Variants in BEND6 observed in about 807,000 individuals in gnomAD.
BEND6 encodes the protein BEN domain containing 6, also known as BEN domain-containing protein 6.
A neutral mutation model predicts 31.8 loss-of-function variants in BEND6; 24 were observed. The ratio of observed to expected loss-of-function variants is 0.75; its 90% confidence interval spans 0.55 to 1.06. The LOEUF (loss-of-function observed/expected upper bound fraction) is 1.06, where lower values mean the gene tolerates loss of function less well. Among genes scored for constraint, BEND6 ranks in the 50% least tolerant of loss-of-function variants. The pLI is 0.00. For synonymous variants in BEND6, 109 were observed against 114.6 expected, an observed-to-expected ratio of 0.95 and a Z score of 0.31; for missense variants, 294 against 327.4, an observed-to-expected ratio of 0.90 and a Z score of 0.79.
Position 57,026,728 on chromosome 6 carries a change from C to G in BEND6, c.*656C>G, listed in dbSNP as rs1324263075. The G allele has an allele frequency of 6.6e-6, 1 of 152,140 alleles. No individual in the cohort carries two copies. Among genetic ancestry groups the G allele is most frequent in the African/African-American group, 2.4e-5 (1 of 41,436 alleles). 9.4% of individuals were successfully genotyped at this position (152,140 alleles called of 1,614,324 possible). ...CAAGATGTTTTATTTTAATGTTAAG[C>G]AATTCCACCACACTTCTGAAGAATA... is the stretch of plus-strand genomic sequence containing the variant. On this transcript the variant is annotated 3_prime_UTR_variant, in exon 7 of 7. Transcript: ENST00000370746.
chr6:56,986,973 C>CTTTTTTT (rs869195941), intron 2 of BEND6, among the ~76,000 whole-genome samples: 3 of 123,814 alleles, frequency 2.4e-5, no homozygotes, highest in East Asian at 2.2e-4. Context: ...TGTTTCTTTT[C>CTTTTTTT]TTTTTTTTTT....
At chr6:56,972,834 A>G (rs1195062147) in intron 1 of BEND6, among the ~76,000 whole-genome samples, 1 of 152,242 alleles carries the variant, frequency 6.6e-6, no homozygotes, top group Non-Finnish European at 1.5e-5. Flanking sequence ...GAACAGGCCC[A>G]GCAAGGTTCA....
rs377026147 is a variant in BEND6, at chr6:57,018,448, C to T, written c.740C>T (p.Thr247Met). ...GTAACAAAACAATTATTTCCCAATACGGATGATGTTTCAATTAGGAGAATG... is the reference window on the plus strand; with the variant it reads ...GTAACAAAACAATTATTTCCCAATATGGATGATGTTTCAATTAGGAGAATG... ...IGVTKQLFPN[T>M]DDVSIRRMIG... is the part of the protein sequence containing the mutation. Residue 247 changes from threonine (T) to methionine (M), a missense_variant, in exon 6 of 7, where the codon ACG becomes ATG. Thr to Met is a moderately conservative substitution (Grantham distance 81). Coordinates refer to ENST00000370746, the MANE Select transcript of BEND6 (RefSeq NM_152731.3). 1.3e-5 allele frequency: 20 copies of T among 1,582,394 alleles called. No individual in the cohort carries two copies. The highest frequency in any genetic ancestry group is 1.7e-4 in the Middle Eastern group (1 of 6,010).
At chr6:56,990,249 CTTTTT>C (rs943959318) in intron 2 of BEND6, among the ~76,000 whole-genome samples, 65 of 110,166 alleles carry the variant, frequency 5.9e-4, no homozygotes, top group Admixed American at 1.1e-3. Flanking sequence ...CCACTCGCTT[CTTTTT>C]TTTTTTTTTT....
chr6:57,001,461 C>G (rs1021503953), intron 3 of BEND6, among the ~76,000 whole-genome samples: 2 of 151,822 alleles, frequency 1.3e-5, no homozygotes, highest in African/African-American at 4.8e-5. Flanking sequence ...CTGAACCTGG[C>G]AAGAAAAAAA....
chr6:56,958,373 A>G (rs779407385), intron 1 of BEND6, among the ~76,000 whole-genome samples: 1 of 152,230 alleles, frequency 6.6e-6, no homozygotes, highest in African/African-American at 2.4e-5. Context: ...TGGATCAAGA[A>G]GAAACATCAG....
At chr6:57,013,029 C>T (rs1010362322) in intron 3 of BEND6, among the ~76,000 whole-genome samples, 1 of 152,172 alleles carries the variant, frequency 6.6e-6, no homozygotes, top group East Asian at 1.9e-4. Context: ...CCAAGTCAAG[C>T]CCTCCCATTC....
intron 3 of BEND6, among the ~76,000 whole-genome samples, chr6:56,996,601 T>C (rs1003148520): frequency 6.6e-6 from 1 of 152,232 alleles, no homozygotes; most frequent in Non-Finnish European, 1.5e-5. Flanking sequence ...ACCACATTCC[T>C]CACCTCCTTC....
At chr6:56,991,045 T>G (rs1433525529) in intron 2 of BEND6, among the ~76,000 whole-genome samples, 1 of 152,170 alleles carries the variant, frequency 6.6e-6, no homozygotes, top group Non-Finnish European at 1.5e-5. Context: ...TGCAATCTAA[T>G]GAAAACAATA....
intron 2 of BEND6, among the ~76,000 whole-genome samples, chr6:56,987,259 C>T (rs1236025295): frequency 6.6e-6 from 1 of 152,132 alleles, no homozygotes; most frequent in Non-Finnish European, 1.5e-5. Context: ...GGATTACAGT[C>T]GTGAGCCACT....
intron 4 of BEND6, among the ~76,000 whole-genome samples, chr6:57,015,641 C>CAA (rs5876528): frequency 7.7e-6 from 1 of 130,656 alleles, no homozygotes. Context: ...ACTAAAAATA[C>CAA]AAAAAAAAAA....
At chr6:56,984,186 A>G (rs1401266730) in intron 2 of BEND6, among the ~76,000 whole-genome samples, 1 of 151,964 alleles carries the variant, frequency 6.6e-6, no homozygotes, top group Non-Finnish European at 1.5e-5. Context: ...CCATCACTGC[A>G]CTTCAGACTG....
chr6:56,957,270 T>C (rs1191247365), intron 1 of BEND6, among the ~76,000 whole-genome samples: 5 of 152,182 alleles, frequency 3.3e-5, no homozygotes, highest in African/African-American at 4.8e-5. Flanking sequence ...TGCCATGCAA[T>C]AGGATTATAG....
chr6:57,015,416 G>A lies in BEND6; in HGVS notation c.519+63G>A, dbSNP rs1026360416. The A allele has an allele frequency of 2.9e-6, 4 of 1,363,084 alleles. No individual in the cohort carries two copies. The East Asian group carries it at 6.9e-5, about 24-fold the overall frequency. 84.4% of individuals were successfully genotyped at this position (1,363,084 alleles called of 1,614,324 possible). On this transcript the variant is annotated intron_variant, in intron 4 of 6. Transcript: ENST00000370746. ...TGCTTAAATAAAAAATTTAAATAAG[G>A]GTGGAAAATGATCATTGTTTTATCA...
At chr6:56,963,716 A>G (rs1825364390) in intron 1 of BEND6, among the ~76,000 whole-genome samples, 1 of 150,904 alleles carries the variant, frequency 6.6e-6, no homozygotes, top group South Asian at 2.1e-4. Context: ...CTCCCCTCCT[A>G]CTCTCACATG....
At chr6:56,974,714 T>C (rs1386310911) in intron 1 of BEND6, among the ~76,000 whole-genome samples, 2 of 152,234 alleles carry the variant, frequency 1.3e-5, no homozygotes, top group Non-Finnish European at 2.9e-5. Flanking sequence ...CATTTTATTT[T>C]ATTTTATTTT....
chr6:56,971,433 T>G (rs1041296715), intron 1 of BEND6, among the ~76,000 whole-genome samples: 31 of 152,244 alleles, frequency 2.0e-4, no homozygotes, highest in African/African-American at 7.5e-4. Flanking sequence ...GCTATGAACA[T>G]GGTATGCAAG....
chr6:56,989,853 G>GT (rs911148667), intron 2 of BEND6, among the ~76,000 whole-genome samples: 3 of 151,984 alleles, frequency 2.0e-5, no homozygotes, highest in Non-Finnish European at 4.4e-5. Flanking sequence ...GTTGTGATGT[G>GT]TTTTTTCACT....
At chr6:57,017,133 T>C (rs1827590838) in intron 4 of BEND6, 74 bp from the exon 5 acceptor site, 2 of 1,065,032 alleles carry the variant, frequency 1.9e-6, no homozygotes, top group Non-Finnish European at 2.5e-6. Flanking sequence ...CTTTTATGCC[T>C]TAACTCAATT....
Sources: gnomAD v4.1 joint callset for allele counts (sites outside exome capture counted in the v4.1 genomes callset) on GRCh38, gnomAD v4.1.1 for gene constraint, MANE v1.5 for transcripts, NCBI Gene and HGNC (gene_info 2026-07-23, HGNC 2026-07-21) for gene names.